Variants in PLD5 observed in about 807,000 individuals in gnomAD.
PLD5 encodes inactive phospholipase D5.
PLD5 carries 36 observed loss-of-function variants against 61.1 expected under a neutral mutation model. The observed-to-expected ratio is 0.59, with a 90% CI of 0.45 to 0.78. PLD5 has a LOEUF of 0.78. PLD5 is among the 30% of genes least tolerant of loss of function. The pLI is 0.00. For synonymous variants in PLD5, 243 were observed against 242.8 expected, an observed-to-expected ratio of 1.00 and a Z score of -0.01; for missense variants, 515 against 644.4, an observed-to-expected ratio of 0.80 and a Z score of 2.17.
At chr1:242,106,407 C>A (rs973181798) in intron 8 of PLD5, among the ~76,000 whole-genome samples, 1 of 152,134 alleles carries the variant, frequency 6.6e-6, no homozygotes, top group Admixed American at 6.5e-5. Context: ...CTCTATGAGG[C>A]AAGATGAGTG....
chr1:242,200,189 A>T (rs1482034646), intron 5 of PLD5, among the ~76,000 whole-genome samples: 1 of 152,246 alleles, frequency 6.6e-6, no homozygotes, highest in Non-Finnish European at 1.5e-5. Flanking sequence ...GCTGCGAGGC[A>T]CGAGGGGCTG....
At chr1:242,397,184 C>T (rs1057488687) in intron 1 of PLD5, among the ~76,000 whole-genome samples, 3 of 152,038 alleles carry the variant, frequency 2.0e-5, no homozygotes, top group African/African-American at 7.2e-5. Context: ...CTACATAGAC[C>T]TCGTTGGACC....
intron 5 of PLD5, among the ~76,000 whole-genome samples, chr1:242,136,049 T>G (rs898189888): frequency 6.6e-6 from 1 of 152,212 alleles, no homozygotes; most frequent in African/African-American, 2.4e-5. Context: ...CTTTGACTGT[T>G]TTGTCCCTAC....
chr1:242,149,616 AGG>A (rs1295412181), intron 5 of PLD5, among the ~76,000 whole-genome samples: 18 of 151,610 alleles, frequency 1.2e-4, no homozygotes, highest in African/African-American at 4.3e-4. Context: ...ATTTTTTAAT[AGG>A]AAGTATTTAC....
intron 1 of PLD5, among the ~76,000 whole-genome samples, chr1:242,370,788 A>G (rs1007056593): frequency 3.3e-5 from 5 of 152,180 alleles, no homozygotes; most frequent in African/African-American, 1.2e-4. Context: ...ATTATAGATA[A>G]AAGTGAAAAA....
chr1:242,093,352 G>A (rs1488366632), intron 9 of PLD5, among the ~76,000 whole-genome samples: 2 of 152,168 alleles, frequency 1.3e-5, no homozygotes, highest in African/African-American at 4.8e-5. Context: ...AAAGGCTCCT[G>A]TGGTCTTGCA....
chr1:242,149,429 A>C (rs1664766784), intron 5 of PLD5, among the ~76,000 whole-genome samples: 1 of 151,618 alleles, frequency 6.6e-6, no homozygotes, highest in South Asian at 2.1e-4. Flanking sequence ...ACAGATACTC[A>C]TCTTTCTTAT....
At chr1:242,438,427 CTAAT>C (rs1477589791) in intron 1 of PLD5, among the ~76,000 whole-genome samples, 1 of 146,372 alleles carries the variant, frequency 6.8e-6, no homozygotes, top group East Asian at 2.0e-4. Flanking sequence ...CCATGCCTGG[CTAAT>C]TTTTTTTCTT....
upstream of PLD5, among the ~76,000 whole-genome samples, chr1:242,526,384 G>A (rs1351271477): frequency 6.6e-6 from 1 of 152,128 alleles, no homozygotes; most frequent in South Asian, 2.1e-4. Flanking sequence ...TCGGAGGTGA[G>A]GCTGTGAAAA....
chr1:242,527,114 CTTTTTTTTTTTTTTTTTTTTTTTT>C (rs530334746), upstream of PLD5, among the ~76,000 whole-genome samples: 4 of 71,978 alleles, frequency 5.6e-5, no homozygotes, highest in African/African-American at 2.2e-4. Flanking sequence ...CTATCTCCTT[CTTTTTTTTTTTTTTTTTTTTTTTT>C]TTTTTTTTTT....
intron 1 of PLD5, among the ~76,000 whole-genome samples, chr1:242,401,121 T>C (rs1406270541): frequency 3.3e-5 from 5 of 152,132 alleles, no homozygotes; most frequent in Non-Finnish European, 7.4e-5. Context: ...TCCCAGTTAA[T>C]GGTGCCAGCA....
chr1:242,234,755 CT>C (rs1317440792), intron 4 of PLD5, among the ~76,000 whole-genome samples: 4 of 152,092 alleles, frequency 2.6e-5, no homozygotes, highest in African/African-American at 9.7e-5. Flanking sequence ...TGGTTTCTTC[CT>C]TTCTCAGTCC....
Position 242,214,871 on chromosome 1 carries a change from C to CTTTTTTTTTT in PLD5, c.735+5107_735+5116dup, listed in dbSNP as rs71570942. Among the ~76,000 whole-genome samples, 36 of 92,482 alleles carry CTTTTTTTTTT rather than the reference C, an allele frequency of 3.9e-4. 3 individuals carry two copies. Among genetic ancestry groups the CTTTTTTTTTT allele is most frequent in the East Asian group, 6.6e-4 (2 of 3,014 alleles). 60.7% of individuals were successfully genotyped at this position (92,482 alleles called of 152,430 possible). A position where few individuals can be genotyped will look rare whatever the true frequency, so the allele number is the denominator to read the frequency against. The stretch of plus-strand genomic sequence containing the variant: ...GTCCACTCGATATGTCATTAAACAC[C>CTTTTTTTTTT]TTTTTTTTTTTTTTTTTTTTTTTGA... On this transcript the variant is annotated intron_variant, in intron 5 of 9. Coordinates refer to ENST00000536534, the MANE Select transcript of PLD5 (RefSeq NM_001372062.1).
At chr1:242,233,115 C>T (rs1052109605) in intron 4 of PLD5, among the ~76,000 whole-genome samples, 2 of 152,150 alleles carry the variant, frequency 1.3e-5, no homozygotes, top group African/African-American at 4.8e-5. Flanking sequence ...GATTGTGCCA[C>T]TGCACTCCAG....
rs76919911 is a variant in PLD5 at position 242,431,448 on chromosome 1, C to T, written c.190-83206G>A. Among the ~76,000 whole-genome samples the T allele has an allele frequency of 7.6e-3, 1,161 of 152,338 alleles. 8 individuals are homozygous for T. The highest frequency in any genetic ancestry group is 0.014 in the Middle Eastern group (4 of 294). ...TGATAGATTTAATTACTATCATCCACATCATTCTGCCTAAGCTCTTCCTAT... is the reference window on the plus strand; with the variant it reads ...TGATAGATTTAATTACTATCATCCATATCATTCTGCCTAAGCTCTTCCTAT... On this transcript the variant is annotated intron_variant, in intron 1 of 9. Coordinates refer to ENST00000536534, the MANE Select transcript of PLD5 (RefSeq NM_001372062.1).
chr1:242,338,320 A>G (rs989137677), intron 2 of PLD5, among the ~76,000 whole-genome samples: 2 of 152,122 alleles, frequency 1.3e-5, no homozygotes, highest in African/African-American at 4.8e-5. Flanking sequence ...AGCTGTTACT[A>G]TGAGAATGAT....
intron 1 of PLD5, among the ~76,000 whole-genome samples, chr1:242,420,974 G>T (rs898223793): frequency 2.6e-5 from 4 of 152,068 alleles, no homozygotes; most frequent in African/African-American, 9.7e-5. Flanking sequence ...GAGGTCAAGA[G>T]ATCGAGTCCA....
intron 2 of PLD5, among the ~76,000 whole-genome samples, chr1:242,293,963 A>G (rs1204765347): frequency 6.6e-6 from 1 of 152,236 alleles, no homozygotes; most frequent in Non-Finnish European, 1.5e-5. Context: ...CAGAGGCCTG[A>G]TCTAATTAGC....
chr1:242,334,996 T>A (rs1384606169), intron 2 of PLD5, among the ~76,000 whole-genome samples: 1 of 152,206 alleles, frequency 6.6e-6, no homozygotes, highest in African/African-American at 2.4e-5. Context: ...GCAAAGGACA[T>A]GACCTGCCCT....
Sources: gnomAD v4.1 joint callset for allele counts (sites outside exome capture counted in the v4.1 genomes callset) on GRCh38, gnomAD v4.1.1 for gene constraint, MANE v1.5 for transcripts, NCBI Gene and HGNC (gene_info 2026-07-23, HGNC 2026-07-21) for gene names.